The following HS6ST3 variants were observed in gnomAD, a reference collection of about 807,000 sequenced individuals.
The protein encoded by HS6ST3 is heparan-sulfate 6-O-sulfotransferase 3.
A neutral mutation model predicts 36.7 loss-of-function variants in HS6ST3; 12 were observed. The ratio of observed to expected loss-of-function variants is 0.33; its 90% CI spans 0.21 to 0.53. The LOEUF is 0.53. Ranked by LOEUF, HS6ST3 falls within the 20% of genes least tolerant of loss-of-function variation. The pLI, the probability that HS6ST3 is intolerant of heterozygous loss-of-function variation, is 0.95. For missense variants in HS6ST3, 584 were observed against 640.9 expected (o/e 0.91, Z 0.96); for synonymous variants, 240 against 257.5 (o/e 0.93, Z 0.65).
chr13:96,578,407 C>T (rs1179198138), intron 1 of HS6ST3, among the ~76,000 whole-genome samples: 1 of 152,164 alleles, frequency 6.6e-6, no homozygotes, highest in African/African-American at 2.4e-5. Context: ...GCTGAATTGC[C>T]TTCCACACAC....
intron 1 of HS6ST3, among the ~76,000 whole-genome samples, chr13:96,167,504 T>C (rs1341303184): frequency 6.6e-6 from 1 of 152,182 alleles, no homozygotes; most frequent in Non-Finnish European, 1.5e-5. Context: ...CCCATGCAAC[T>C]CATCTGCTCT....
Position 96,838,973 on chromosome 13 carries a change from G to A in HS6ST3, c.*5775G>A, listed in dbSNP as rs1462591618. 1 of 152,202 alleles carries A rather than the reference G, an allele frequency of 6.6e-6. No individual in the cohort carries two copies. The highest frequency in any genetic ancestry group is 1.5e-5 in the Non-Finnish European group (1 of 68,046). 9.4% of individuals were successfully genotyped at this position (152,202 alleles called of 1,614,324 possible). A position where few individuals can be genotyped will look rare whatever the true frequency, so the allele number is the denominator to read the frequency against. The stretch of plus-strand genomic sequence containing the variant: ...ACGCAGATGGACAGGTGTCTCTTGA[G>A]CCTGTGTTCCAAGATGTCTGTGGAA... On this transcript the variant is annotated 3_prime_UTR_variant, in exon 2 of 2. Coordinates refer to ENST00000376705, the MANE Select transcript of HS6ST3 (RefSeq NM_153456.4).
chr13:96,139,148 A>G lies in HS6ST3; in HGVS notation c.707+47579A>G, dbSNP rs1594691003. On this transcript the variant is annotated intron_variant, in intron 1 of 1. Transcript: ENST00000376705. ...AGTTAAGAATGTATTCTCTAAGCGA[A>G]AGGAAAAGTTGTGATAAAGAAGCAC... is the stretch of plus-strand genomic sequence containing the variant. Among the ~76,000 whole-genome samples the G allele has an allele frequency of 3.3e-5, 5 of 152,260 alleles. No individual in the cohort carries two copies. The South Asian group carries it at 1.0e-3, about 32-fold the overall frequency.
intron 1 of HS6ST3, among the ~76,000 whole-genome samples, chr13:96,459,627 G>C (rs894134584): frequency 1.3e-5 from 2 of 152,006 alleles, no homozygotes; most frequent in African/African-American, 4.8e-5. Flanking sequence ...ATATTCATTT[G>C]GATAAAAATG....
intron 1 of HS6ST3, among the ~76,000 whole-genome samples, chr13:96,741,870 T>C (rs1876446624): frequency 6.6e-6 from 1 of 152,182 alleles, no homozygotes; most frequent in South Asian, 2.1e-4. Flanking sequence ...GATAGATGGA[T>C]GAATTCAGCA....
At chr13:96,608,948 A>G (rs1422910924) in intron 1 of HS6ST3, among the ~76,000 whole-genome samples, 2 of 151,322 alleles carry the variant, frequency 1.3e-5, no homozygotes, top group Non-Finnish European at 3.0e-5. Flanking sequence ...AGATAGATAG[A>G]TATCTTTTAT....
At chr13:96,218,968 A>G (rs2054441141) in intron 1 of HS6ST3, among the ~76,000 whole-genome samples, 1 of 152,156 alleles carries the variant, frequency 6.6e-6, no homozygotes, top group Non-Finnish European at 1.5e-5. Context: ...TCTGCCTTCC[A>G]TAATGATGCC....
chr13:96,799,882 A>G (rs1878002740), intron 1 of HS6ST3, among the ~76,000 whole-genome samples: 4 of 149,104 alleles, frequency 2.7e-5, no homozygotes, highest in Non-Finnish European at 5.9e-5. Context: ...CTAGTATACA[A>G]TACAACTCCC....
intron 1 of HS6ST3, among the ~76,000 whole-genome samples, chr13:96,409,367 C>T (rs2055495993): frequency 6.6e-6 from 1 of 152,160 alleles, no homozygotes; most frequent in African/African-American, 2.4e-5. Context: ...CAGAAGCAAG[C>T]TGGGATTAGA....
chr13:96,160,431 T>G (rs1013636304), intron 1 of HS6ST3, among the ~76,000 whole-genome samples: 1 of 152,202 alleles, frequency 6.6e-6, no homozygotes, highest in African/African-American at 2.4e-5. Context: ...AAAGGTCAGT[T>G]TTATTCATTA....
At chr13:96,370,892 C>T (rs910973638) in intron 1 of HS6ST3, among the ~76,000 whole-genome samples, 20 of 151,736 alleles carry the variant, frequency 1.3e-4, no homozygotes, top group African/African-American at 3.1e-4. Context: ...AGCGAGACAC[C>T]GTATCAAAGA....
chr13:96,579,567 A>G (rs987156701), intron 1 of HS6ST3, among the ~76,000 whole-genome samples: 1 of 152,214 alleles, frequency 6.6e-6, no homozygotes, highest in Non-Finnish European at 1.5e-5. Context: ...TGTGTTAAAA[A>G]AAAAAAAAGT....
chr13:96,331,153 T>G (rs2055064349), intron 1 of HS6ST3, among the ~76,000 whole-genome samples: 1 of 152,216 alleles, frequency 6.6e-6, no homozygotes, highest in Non-Finnish European at 1.5e-5. Context: ...TCAGAGTAAT[T>G]TGATCGTCTG....
intron 1 of HS6ST3, among the ~76,000 whole-genome samples, chr13:96,397,831 C>T (rs2055429792): frequency 6.8e-6 from 1 of 147,866 alleles, no homozygotes. Context: ...ACATCTCATT[C>T]TCATTTCATT....
chr13:96,252,744 A>C (rs1446941822), intron 1 of HS6ST3, among the ~76,000 whole-genome samples: 1 of 151,942 alleles, frequency 6.6e-6, no homozygotes, highest in Non-Finnish European at 1.5e-5. Context: ...ATGGGGATGG[A>C]TCCCTCCTGG....
intron 1 of HS6ST3, among the ~76,000 whole-genome samples, chr13:96,199,427 T>C (rs1426121831): frequency 1.3e-5 from 2 of 152,216 alleles, no homozygotes; most frequent in Non-Finnish European, 2.9e-5. Context: ...TAGTTACTTA[T>C]TTATCCCTAG....
intron 1 of HS6ST3, among the ~76,000 whole-genome samples, chr13:96,239,175 A>C (rs2139371649): frequency 6.6e-6 from 1 of 152,330 alleles, no homozygotes; most frequent in Admixed American, 6.5e-5. Context: ...CAGAACAGAA[A>C]CCACAAAGCA....
chr13:96,807,307 A>G (rs186530291), intron 1 of HS6ST3, among the ~76,000 whole-genome samples: 12 of 152,264 alleles, frequency 7.9e-5, no homozygotes, highest in African/African-American at 1.4e-4. Flanking sequence ...CTAAAAATTC[A>G]TATCTTGAAT....
chr13:96,569,573 A>G (rs2056293792), intron 1 of HS6ST3, among the ~76,000 whole-genome samples: 1 of 152,240 alleles, frequency 6.6e-6, no homozygotes, highest in African/African-American at 2.4e-5. Context: ...GAAAATGAAA[A>G]GAAAAAAACT....
Sources: gnomAD v4.1 joint callset for allele counts (sites outside exome capture counted in the v4.1 genomes callset) on GRCh38, gnomAD v4.1.1 for gene constraint, MANE v1.5 for transcripts, NCBI Gene and HGNC (gene_info 2026-07-23, HGNC 2026-07-21) for gene names.